The following BCAT1 variants were observed in gnomAD, a reference collection of about 807,000 sequenced individuals.
BCAT1 encodes the protein branched-chain-amino-acid aminotransferase, cytosolic.
BCAT1 carries 48 observed loss-of-function variants against 52.4 expected under a neutral mutation model. The observed-to-expected ratio is 0.92, with a 90% CI of 0.73 to 1.16. The LOEUF is 1.16. BCAT1 is among the 50% of genes most tolerant of loss of function. BCAT1 has a pLI of 0.00. For missense variants in BCAT1, 451 were observed against 457.1 expected, an observed-to-expected ratio of 0.99 and a Z score of 0.12; for synonymous variants, 167 against 161.3, an observed-to-expected ratio of 1.04 and a Z score of -0.27.
chr12:24,927,756 C>T (rs1052189649), intron 1 of BCAT1, among the ~76,000 whole-genome samples: 1 of 152,196 alleles, frequency 6.6e-6, no homozygotes, highest in African/African-American at 2.4e-5. Flanking sequence ...AAAGGTGAGG[C>T]TGAAAACAGG....
chr12:24,922,182 C>G (rs1213198291), intron 1 of BCAT1, among the ~76,000 whole-genome samples: 2 of 152,184 alleles, frequency 1.3e-5, no homozygotes, highest in Admixed American at 6.5e-5. Context: ...GAGACAGACT[C>G]TCATTACATT....
Position 24,829,934 on chromosome 12 carries a change from C to T in BCAT1, c.1045-37G>A, listed in dbSNP as rs183466586. 277 of 1,489,998 alleles carry T rather than the reference C, an allele frequency of 1.9e-4. 1 individual carries two copies. The East Asian group carries it at 5.2e-3, about 28-fold the overall frequency. 92.3% of individuals were successfully genotyped at this position (1,489,998 alleles called of 1,614,324 possible). A position where few individuals can be genotyped will look rare whatever the true frequency, so the allele number is the denominator to read the frequency against. The stretch of plus-strand genomic sequence containing the variant: ...AGGGAAATGAGATAATTTGAGGGTA[C>T]TCATGTATATGGTGATAACAGATAA... On this transcript the variant is annotated intron_variant, in intron 9 of 10. Transcript: ENST00000261192.
intron 5 of BCAT1, among the ~76,000 whole-genome samples, chr12:24,853,497 C>T (rs1941576706): frequency 2.0e-5 from 3 of 152,140 alleles, no homozygotes; most frequent in African/African-American, 4.8e-5. Flanking sequence ...TAGTGTACTA[C>T]GTTCACTACT....
chr12:24,916,142 G>C (rs1943403224), intron 1 of BCAT1, among the ~76,000 whole-genome samples: 1 of 152,200 alleles, frequency 6.6e-6, no homozygotes, highest in Non-Finnish European at 1.5e-5. Flanking sequence ...ATGGGTGACA[G>C]AGTGAGATTC....
intron 1 of BCAT1, among the ~76,000 whole-genome samples, chr12:24,942,774 C>T (rs1051203505): frequency 6.6e-6 from 1 of 152,218 alleles, no homozygotes; most frequent in Non-Finnish European, 1.5e-5. Context: ...AAAACACCCA[C>T]ACACACTTCC....
At chr12:24,832,009 A>C (rs1442147441) in intron 9 of BCAT1, among the ~76,000 whole-genome samples, 1 of 152,232 alleles carries the variant, frequency 6.6e-6, no homozygotes, top group East Asian at 1.9e-4. Flanking sequence ...ATTCTTGTAA[A>C]GTGGTCTACT....
chr12:24,846,057 G>A (rs1941336355), intron 6 of BCAT1, among the ~76,000 whole-genome samples: 3 of 152,156 alleles, frequency 2.0e-5, no homozygotes, highest in African/African-American at 7.2e-5. Flanking sequence ...ATTCTTACAG[G>A]ATGAATATTT....
intron 5 of BCAT1, among the ~76,000 whole-genome samples, chr12:24,864,832 CTT>C (rs1402567081): frequency 6.6e-6 from 1 of 152,150 alleles, no homozygotes; most frequent in East Asian, 1.9e-4. Context: ...CTAACACATG[CTT>C]ATCAAGATCA....
At chr12:24,903,180 C>G in intron 1 of BCAT1, 1 of 1,174,304 alleles carries the variant, frequency 8.5e-7, no homozygotes, top group Non-Finnish European at 1.1e-6. Flanking sequence ...TGGGGAGGAG[C>G]CTCCAACCGT....
Position 24,818,574 on chromosome 12 carries a change from A to G in BCAT1, c.1120-525T>C, listed in dbSNP as rs536193224. 4.6e-5 allele frequency among the ~76,000 whole-genome samples: 7 copies of G among 152,290 alleles called. No individual in the cohort carries two copies. The South Asian group carries it at 6.2e-4, about 14-fold the overall frequency. The stretch of plus-strand genomic sequence containing the variant: ...GCAACCTGTGATTCAGCAAGCATCA[A>G]ATGATTCCGACATGCACTAAAGAGT... On this transcript the variant is annotated intron_variant, in intron 10 of 10. Transcript: ENST00000261192.
intron 6 of BCAT1, among the ~76,000 whole-genome samples, chr12:24,846,555 T>C (rs1423873772): frequency 6.6e-6 from 1 of 152,180 alleles, no homozygotes; most frequent in African/African-American, 2.4e-5. Flanking sequence ...TTCTATTATG[T>C]AAAATTTAAC....
rs555567347 is a variant in BCAT1, at chr12:24,847,475, G to T, written c.674+2311C>A. On this transcript the variant is annotated intron_variant, in intron 6 of 10. Transcript: ENST00000261192. ...ATTTACGCACCATTATGACAGTTAG[G>T]TTTTTAAGCCAGGTCTTTCTGACTT... is the stretch of plus-strand genomic sequence containing the variant. Among the ~76,000 whole-genome samples the T allele has an allele frequency of 2.6e-5, 4 of 152,256 alleles. No individual in the cohort carries two copies. The South Asian group carries it at 8.3e-4, about 32-fold the overall frequency.
chr12:24,926,239 G>A (rs1343887938), intron 1 of BCAT1, among the ~76,000 whole-genome samples: 11 of 151,754 alleles, frequency 7.2e-5, no homozygotes, highest in African/African-American at 1.9e-4. Flanking sequence ...CTGCCCGGCC[G>A]CCCCGTCTGA....
intron 1 of BCAT1, among the ~76,000 whole-genome samples, chr12:24,923,309 A>G (rs1477030667): frequency 6.6e-6 from 1 of 152,198 alleles, no homozygotes; most frequent in Non-Finnish European, 1.5e-5. Context: ...GCCTGCTTTA[A>G]TTCTTTTCTA....
chr12:24,822,092 C>T (rs551582743), intron 10 of BCAT1, among the ~76,000 whole-genome samples: 5 of 152,276 alleles, frequency 3.3e-5, no homozygotes, highest in African/African-American at 9.6e-5. Context: ...AAAAGAAACA[C>T]GTCGACAACA....
At chr12:24,819,932 G>A (rs1370982061) in intron 10 of BCAT1, among the ~76,000 whole-genome samples, 2 of 152,150 alleles carry the variant, frequency 1.3e-5, no homozygotes, top group Non-Finnish European at 2.9e-5. Context: ...TATGTATGAT[G>A]TCAACATGAC....
intron 5 of BCAT1, among the ~76,000 whole-genome samples, chr12:24,868,128 C>A (rs544192296): frequency 6.6e-6 from 1 of 152,320 alleles, no homozygotes; most frequent in Admixed American, 6.5e-5. Context: ...GGCAGATTCC[C>A]TCAGAAAACG....
intron 5 of BCAT1, among the ~76,000 whole-genome samples, chr12:24,855,131 C>T (rs1310808107): frequency 6.6e-6 from 1 of 152,082 alleles, no homozygotes; most frequent in Non-Finnish European, 1.5e-5. Context: ...AGGTCAGAGT[C>T]AGAAGATGTT....
intron 5 of BCAT1, among the ~76,000 whole-genome samples, chr12:24,859,009 A>G (rs1394572878): frequency 1.3e-5 from 2 of 152,232 alleles, no homozygotes; most frequent in Non-Finnish European, 2.9e-5. Flanking sequence ...TAAAAGCACA[A>G]CAGGGTTTTC....
Sources: gnomAD v4.1 joint callset for allele counts (sites outside exome capture counted in the v4.1 genomes callset) on GRCh38, gnomAD v4.1.1 for gene constraint, MANE v1.5 for transcripts, NCBI Gene and HGNC (gene_info 2026-07-23, HGNC 2026-07-21) for gene names.